ARHGAP15: variants seen among roughly 807,000 people sequenced by gnomAD.
ARHGAP15 encodes rho GTPase-activating protein 15.
ARHGAP15 carries 51 observed loss-of-function variants against 63.7 expected under a neutral mutation model. The observed-to-expected ratio is 0.80, with a 90% confidence interval of 0.64 to 1.01. The LOEUF is 1.01. Among genes scored for constraint, ARHGAP15 ranks in the 50% least tolerant of loss-of-function variants. The pLI is 0.00. For synonymous variants in ARHGAP15, 191 were observed against 193.8 expected, an observed-to-expected ratio of 0.99 and a Z score of 0.12; for missense variants, 560 against 564.6, an observed-to-expected ratio of 0.99 and a Z score of 0.08.
intron 11 of ARHGAP15, among the ~76,000 whole-genome samples, chr2:143,566,490 A>G (rs1182667254): frequency 6.6e-6 from 1 of 152,046 alleles, no homozygotes; most frequent in Non-Finnish European, 1.5e-5. Context: ...ATTGCAATCT[A>G]TCAGCTAAGA....
At chr2:143,666,514 G>T (rs1270484855) in intron 12 of ARHGAP15, among the ~76,000 whole-genome samples, 2 of 146,802 alleles carry the variant, frequency 1.4e-5, no homozygotes, top group African/African-American at 5.0e-5. Flanking sequence ...CATGGGCAAG[G>T]ACTTCATGTC....
At chr2:143,663,994 A>T (rs1416603041) in intron 12 of ARHGAP15, among the ~76,000 whole-genome samples, 1 of 151,582 alleles carries the variant, frequency 6.6e-6, no homozygotes, top group African/African-American at 2.4e-5. Flanking sequence ...TCAACATTAG[A>T]CAGATCAACG....
At chr2:143,264,942 G>A (rs1367037333) in intron 6 of ARHGAP15, among the ~76,000 whole-genome samples, 7 of 152,006 alleles carry the variant, frequency 4.6e-5, no homozygotes, top group Middle Eastern at 3.2e-3. Flanking sequence ...ATCTGGTCAT[G>A]TAGCTTTTCT....
chr2:143,346,232 TCTC>T (rs1685286056), intron 6 of ARHGAP15, among the ~76,000 whole-genome samples: 1 of 47,620 alleles, frequency 2.1e-5, no homozygotes, highest in Admixed American at 2.3e-4. Flanking sequence ...ACACACACTC[TCTC>T]TCACACACAC....
intron 12 of ARHGAP15, among the ~76,000 whole-genome samples, chr2:143,626,686 C>G (rs1698849741): frequency 6.6e-6 from 1 of 152,114 alleles, no homozygotes; most frequent in Non-Finnish European, 1.5e-5. Flanking sequence ...TTTTAGAATC[C>G]TGCTGATTGG....
intron 6 of ARHGAP15, among the ~76,000 whole-genome samples, chr2:143,330,724 C>T (rs1558898577): frequency 6.6e-6 from 1 of 152,162 alleles, no homozygotes; most frequent in Admixed American, 6.5e-5. Context: ...TATTGGAAAA[C>T]TCCTCTAGGC....
At position 143,413,927 on chromosome 2, in the gene ARHGAP15, TTG is replaced by T. The variant is rs1553476588; in HGVS notation, c.475-21635_475-21634del. The stretch of plus-strand genomic sequence containing the variant: ...AGTGCCCTAGATGGAAGGTAGGTAG[TTG>T]TGTGTGTGTGTGTGTGTGTGTGTGT... On this transcript the variant is annotated intron_variant, in intron 6 of 13. Transcript: ENST00000295095. Among the ~76,000 whole-genome samples, 893 of 127,986 alleles carry T rather than the reference TTG, an allele frequency of 7.0e-3. 5 individuals are homozygous for T. The highest frequency in any genetic ancestry group is 0.013 in the East Asian group (54 of 4,280). 84.0% of individuals were successfully genotyped at this position (127,986 alleles called of 152,430 possible). A position where few individuals can be genotyped will look rare whatever the true frequency, so the allele number is the denominator to read the frequency against.
At chr2:143,132,016 C>T (rs147176054) in intron 1 of ARHGAP15, among the ~76,000 whole-genome samples, 5 of 151,812 alleles carry the variant, frequency 3.3e-5, no homozygotes, top group South Asian at 4.2e-4. Context: ...AAAAATATTG[C>T]ACTACATTTT....
intron 13 of ARHGAP15, among the ~76,000 whole-genome samples, chr2:143,727,040 A>G (rs1685311886): frequency 6.6e-6 from 1 of 152,086 alleles, no homozygotes; most frequent in Non-Finnish European, 1.5e-5. Context: ...CACTGCCCTA[A>G]CCTCTTCCAG....
intron 2 of ARHGAP15, among the ~76,000 whole-genome samples, chr2:143,166,001 A>AGAAAGAAAGAAAGGAGGAAG (rs70982847): frequency 2.0e-5 from 2 of 101,110 alleles, no homozygotes; most frequent in East Asian, 3.0e-4. Flanking sequence ...AAAGAAAGAA[A>AGAAAGAAAGAAAGGAGGAAG]GAAGGAAGGA....
At chr2:143,215,253 C>T (rs1199591221) in intron 3 of ARHGAP15, among the ~76,000 whole-genome samples, 13 of 151,574 alleles carry the variant, frequency 8.6e-5, no homozygotes, top group Admixed American at 5.9e-4. Flanking sequence ...AATAAAAAGA[C>T]GTGCACATTA....
At chr2:143,407,146 A>G (rs1688231877) in intron 6 of ARHGAP15, among the ~76,000 whole-genome samples, 1 of 151,906 alleles carries the variant, frequency 6.6e-6, no homozygotes, top group South Asian at 2.1e-4. Context: ...AGTTTATTTC[A>G]CATTTTTTAT....
intron 10 of ARHGAP15, among the ~76,000 whole-genome samples, chr2:143,547,623 A>G (rs1695387567): frequency 6.6e-6 from 1 of 152,018 alleles, no homozygotes; most frequent in African/African-American, 2.4e-5. Flanking sequence ...AATATAAGGG[A>G]AAATTCTAAT....
At chr2:143,464,999 T>A (rs1354582810) in intron 8 of ARHGAP15, among the ~76,000 whole-genome samples, 2 of 152,176 alleles carry the variant, frequency 1.3e-5, no homozygotes, top group African/African-American at 4.8e-5. Flanking sequence ...GTTCCTCACA[T>A]GAATAAAATT....
At chr2:143,164,701 C>T (rs970346562) in intron 2 of ARHGAP15, among the ~76,000 whole-genome samples, 3 of 151,728 alleles carry the variant, frequency 2.0e-5, no homozygotes, top group African/African-American at 7.3e-5. Flanking sequence ...ATTTCCTCCT[C>T]ATTATTATTA....
chr2:143,754,490 T>A (rs2105533993), intron 13 of ARHGAP15, among the ~76,000 whole-genome samples: 1 of 152,274 alleles, frequency 6.6e-6, no homozygotes, highest in East Asian at 1.9e-4. Flanking sequence ...GTGAGCTATC[T>A]TTGGCCACCC....
At chr2:143,454,770 G>A (rs1238282701) in intron 8 of ARHGAP15, among the ~76,000 whole-genome samples, 2 of 152,018 alleles carry the variant, frequency 1.3e-5, no homozygotes, top group Non-Finnish European at 2.9e-5. Context: ...TGGTGAATGA[G>A]GGAAGACAAA....
At chr2:143,168,645 A>C (rs1014871298) in intron 2 of ARHGAP15, among the ~76,000 whole-genome samples, 6 of 149,934 alleles carry the variant, frequency 4.0e-5, no homozygotes, top group African/African-American at 1.5e-4. Context: ...AACTTTAATC[A>C]TTCTGAAAAC....
At chr2:143,692,573 G>A (rs1440777794) in intron 12 of ARHGAP15, among the ~76,000 whole-genome samples, 1 of 152,084 alleles carries the variant, frequency 6.6e-6, no homozygotes, top group Non-Finnish European at 1.5e-5. Flanking sequence ...GAATGAAGGA[G>A]TTGTTTGTTG....
Sources: allele counts gnomAD v4.1 joint callset (sites outside exome capture counted in the v4.1 genomes callset), GRCh38; gene constraint gnomAD v4.1.1; transcripts MANE v1.5; gene names NCBI Gene and HGNC (gene_info 2026-07-23, HGNC 2026-07-21).